CFAP52: variants seen among roughly 807,000 people sequenced by gnomAD.
CFAP52 encodes the protein cilia- and flagella-associated protein 52.
A neutral mutation model predicts 70.5 loss-of-function variants in CFAP52; 57 were observed. The observed-to-expected ratio is 0.81, with a 90% CI of 0.65 to 1.01. CFAP52 has a LOEUF of 1.01. Ranked by LOEUF, CFAP52 falls within the 50% of genes least tolerant of loss-of-function variation. The pLI is 0.00. For missense variants in CFAP52, 785 were observed against 788.5 expected (o/e 1.00, Z 0.05); for synonymous variants, 267 against 292.5 (o/e 0.91, Z 0.89).
Position 9,628,768 on chromosome 17 carries a change from C to T in CFAP52, c.1122C>T (p.Asn374=), listed in dbSNP as rs764406343. 6 of 1,614,190 alleles carry T rather than the reference C, an allele frequency of 3.7e-6. No homozygotes were observed. In the South Asian group the frequency reaches 6.6e-5, roughly 18 times the overall value. The change falls in exon 9 of 14, where the codon AAC becomes AAT. Residue 374 remains asparagine (N), a synonymous_variant. Coordinates refer to ENST00000352665, the MANE Select transcript of CFAP52 (RefSeq NM_145054.5). ...AGCTGCTGCGGATCACCGTGCCCAA[C>T]ATGACCTGCCACGGCATCGACTTCA... is the stretch of plus-strand genomic sequence containing the variant. ...NRELLRITVP[N]MTCHGIDFMR...
intron 11 of CFAP52, among the ~76,000 whole-genome samples, chr17:9,636,408 G>A (rs1910807427): frequency 6.6e-6 from 1 of 152,056 alleles, no homozygotes; most frequent in South Asian, 2.1e-4. Context: ...CTTATGCTCC[G>A]AGCGTATCAC....
At chr17:9,584,029 C>T (rs1249857806) in intron 1 of CFAP52, among the ~76,000 whole-genome samples, 1 of 151,936 alleles carries the variant, frequency 6.6e-6, no homozygotes, top group African/African-American at 2.4e-5. Flanking sequence ...GAATAATGAT[C>T]AAAGCATTTT....
At chr17:9,594,145 C>A (rs748532407) in intron 3 of CFAP52, 48 bp from the exon 4 acceptor site, 21 of 1,527,464 alleles carry the variant, frequency 1.4e-5, no homozygotes, top group South Asian at 1.3e-4. Context: ...ATTTTAAAAG[C>A]CTGTTTTCTC....
At chr17:9,585,484 T>C (rs796248697) in intron 1 of CFAP52, among the ~76,000 whole-genome samples, 41 of 152,130 alleles carry the variant, frequency 2.7e-4, no homozygotes, top group African/African-American at 6.0e-4. Context: ...CTGACCAACA[T>C]GGTGAAACCC....
intron 9 of CFAP52, among the ~76,000 whole-genome samples, chr17:9,630,891 C>T (rs1910449386): frequency 1.3e-5 from 2 of 149,614 alleles, no homozygotes; most frequent in African/African-American, 2.5e-5. Context: ...GAGGCTGAGA[C>T]AGGAGAGTTT....
chr17:9,636,205 AAG>A (rs762568901), intron 11 of CFAP52, among the ~76,000 whole-genome samples: 1,617 of 137,204 alleles, frequency 0.012, 33 homozygotes, highest in Non-Finnish European at 0.021. Flanking sequence ...GAAAGAAAGA[AAG>A]AAAGAAAGAA....
chr17:9,588,228 C>T (rs1254573886), intron 3 of CFAP52, among the ~76,000 whole-genome samples: 1 of 152,198 alleles, frequency 6.6e-6, no homozygotes, highest in South Asian at 2.1e-4. Flanking sequence ...TCACTTGGCT[C>T]TACACCACTA....
intron 7 of CFAP52, among the ~76,000 whole-genome samples, chr17:9,611,521 A>T (rs1411590544): frequency 1.3e-5 from 2 of 151,782 alleles, no homozygotes; most frequent in Non-Finnish European, 2.9e-5. Flanking sequence ...CACCTGGCTA[A>T]TTTATTTTAT....
intron 4 of CFAP52, among the ~76,000 whole-genome samples, chr17:9,596,841 G>A (rs1909041076): frequency 6.6e-6 from 1 of 151,642 alleles, no homozygotes; most frequent in Non-Finnish European, 1.5e-5. Context: ...TCAGCCTCCC[G>A]ACTAGCTGGG....
At chr17:9,645,043 C>A (rs570302695), downstream of CFAP52, 16 of 152,310 alleles carry the variant, frequency 1.1e-4, 1 homozygote, top group African/African-American at 2.9e-4. The surrounding 1 kb of genome is among the most constrained non-coding windows in gnomAD (Gnocchi z 6.8). Flanking sequence ...CTGCCTCCCC[C>A]CAAGGGGCAG....
chr17:9,577,962 G>C (rs1908039891), intron 1 of CFAP52, among the ~76,000 whole-genome samples: 1 of 152,128 alleles, frequency 6.6e-6, no homozygotes, highest in Admixed American at 6.5e-5. Flanking sequence ...CGTGGTGGTA[G>C]GTGCCTGTAA....
At chr17:9,645,450 G>T, downstream of CFAP52, 2 of 447,734 alleles carry the variant, frequency 4.5e-6, no homozygotes, top group Non-Finnish European at 6.6e-6. This position sits in a 1 kb window ranked among gnomAD's most constrained non-coding sequence, Gnocchi z 6.8. Flanking sequence ...GGGGCTGGTC[G>T]TGCCGCCGGA....
chr17:9,635,394 G>A lies in CFAP52; in HGVS notation c.1321-11G>A, dbSNP rs1447833705. The A allele has an allele frequency of 1.2e-6, 2 of 1,613,718 alleles. No homozygotes were observed. Among genetic ancestry groups the A allele is most frequent in the South Asian group, 1.1e-5 (1 of 91,042 alleles). On this transcript the variant is annotated splice_polypyrimidine_tract_variant and intron_variant, in intron 10 of 13. Transcript: ENST00000352665. ...AGTGTGGATCAAGATCCTGTGCTCTGTGGCTTTCAGGTGAGGGTATGGCAG... is the reference window on the plus strand; with the variant it reads ...AGTGTGGATCAAGATCCTGTGCTCTATGGCTTTCAGGTGAGGGTATGGCAG...
chr17:9,640,257 A>T (rs1910992668), intron 12 of CFAP52, among the ~76,000 whole-genome samples: 1 of 140,492 alleles, frequency 7.1e-6, no homozygotes. Context: ...CTTTAAGTTC[A>T]GGGGTACATG....
chr17:9,595,897 TA>T (rs953060935), intron 4 of CFAP52, among the ~76,000 whole-genome samples: 1,598 of 142,302 alleles, frequency 0.011, 28 homozygotes, highest in African/African-American at 0.037. Context: ...GCTCTTTGTT[TA>T]AAAAAAAAAA....
chr17:9,583,674 C>T (rs1355155481), intron 1 of CFAP52, among the ~76,000 whole-genome samples: 3 of 152,098 alleles, frequency 2.0e-5, no homozygotes, highest in Admixed American at 1.3e-4. Context: ...TCACTAAAAA[C>T]ACAATCATGA....
At chr17:9,590,283 G>A (rs1224556023) in intron 3 of CFAP52, 1 of 189,460 alleles carries the variant, frequency 5.3e-6, no homozygotes, top group Admixed American at 5.2e-5. Context: ...GCGGGCCAAG[G>A]TGTTTTCCCA....
At chr17:9,631,052 G>GAAAGAAAGAAAGAAAGAA (rs1555544296) in intron 9 of CFAP52, among the ~76,000 whole-genome samples, 418 of 37,896 alleles carry the variant, frequency 0.011, 15 homozygotes, top group Middle Eastern at 0.037. Context: ...GAGAGAGAGA[G>GAAAGAAAGAAAGAAAGAA]AGAAAGAAAG....
chr17:9,625,309 A>G (rs2151946483), intron 8 of CFAP52, among the ~76,000 whole-genome samples: 1 of 152,240 alleles, frequency 6.6e-6, no homozygotes, highest in Non-Finnish European at 1.5e-5. Context: ...AGACTTGGGC[A>G]GTGTTTATAA....
Sources: allele counts gnomAD v4.1 joint callset (sites outside exome capture counted in the v4.1 genomes callset), GRCh38; gene constraint gnomAD v4.1.1; non-coding constraint Gnocchi (gnomAD v3.1); transcripts MANE v1.5; gene names NCBI Gene and HGNC (gene_info 2026-07-23, HGNC 2026-07-21).